The following CHD1L variants were observed in gnomAD, a reference collection of about 807,000 sequenced individuals.
CHD1L encodes chromodomain helicase DNA binding protein 1 like, also known as ATP-dependent chromatin remodeler CHD1L.
In CHD1L, 118 loss-of-function variants were observed where a neutral mutation model predicts 115.9. The ratio of observed to expected loss-of-function variants is 1.02; its 90% confidence interval spans 0.88 to 1.19. The LOEUF (loss-of-function observed/expected upper bound fraction) is 1.19, where lower values mean the gene tolerates loss of function less well. Ranked by LOEUF, CHD1L falls within the 50% of genes most tolerant of loss-of-function variation. The pLI, the probability that CHD1L is intolerant of heterozygous loss-of-function variation, is 0.00. For missense variants in CHD1L, 1,179 were observed against 1,065.3 expected (o/e 1.11, Z -1.49); for synonymous variants, 411 against 387.1 (o/e 1.06, Z -0.72).
intron 19 of CHD1L, among the ~76,000 whole-genome samples, chr1:147,290,382 G>A (rs7517324): frequency 0.22 from 33,225 of 152,108 alleles, 4,203 homozygotes; most frequent in Middle Eastern, 0.28. Flanking sequence ...ACTGCACCCA[G>A]CCTGAGGTTT....
chr1:147,271,338 C>T (rs1159434635), intron 11 of CHD1L, among the ~76,000 whole-genome samples: 3 of 152,168 alleles, frequency 2.0e-5, no homozygotes, highest in African/African-American at 7.2e-5. Context: ...TTGTAACATT[C>T]ACCTCAACAG....
At chr1:147,208,794 A>G in the CHD1L span, 9 of 1,423,746 alleles carry the variant, frequency 6.3e-6, no homozygotes, top group Admixed American at 1.2e-4. Flanking sequence ...GCCAGTGTGA[A>G]GAGTCCTTAT....
chr1:147,215,966 T>C, the CHD1L span: 20 of 1,555,084 alleles, frequency 1.3e-5, no homozygotes, highest in Non-Finnish European at 1.4e-5. Context: ...AAAGTATTCA[T>C]AGCAACTTGA....
chr1:147,174,173 GA>G, the CHD1L span, among the ~76,000 whole-genome samples: 3,695 of 147,822 alleles, frequency 0.025, 68 homozygotes, highest in South Asian at 0.097. Context: ...TTTACAGGAA[GA>G]AAAAAAAAAG....
rs587674066 is a variant in CHD1L at position 147,264,450 on chromosome 1, C to T, written c.605C>T (p.Thr202Ile). 80 of 1,612,518 alleles carry T rather than the reference C, an allele frequency of 5.0e-5. No homozygotes were observed. The highest frequency in any genetic ancestry group is 6.3e-5 in the Non-Finnish European group (74 of 1,179,278). ...EFSVVFSLLL[T>I]GTPIQNSLQE... ...TCAGTAGTCTTCAGTCTCCTGTTGACCGGAACTCCCATCCAGAACAGCCTC... is the reference window on the plus strand; with the variant it reads ...TCAGTAGTCTTCAGTCTCCTGTTGATCGGAACTCCCATCCAGAACAGCCTC... The change falls in exon 7 of 23, where the codon ACC (threonine) becomes ATC (isoleucine). Residue 202 changes from threonine to isoleucine, a missense_variant. Thr to Ile is a moderately conservative substitution (Grantham distance 89). Transcript: ENST00000369258.
chr1:147,288,193 T>C (rs1019016813), intron 19 of CHD1L, among the ~76,000 whole-genome samples: 1 of 151,472 alleles, frequency 6.6e-6, no homozygotes, highest in Non-Finnish European at 1.5e-5. Context: ...GATGTGGTGG[T>C]GCATGCCCGT....
At position 147,281,133 on chromosome 1, in the gene CHD1L, G is replaced by A. The variant is rs587600092; in HGVS notation, c.1705+942G>A. 4.6e-5 allele frequency among the ~76,000 whole-genome samples: 7 copies of A among 152,230 alleles called. No individual in the cohort carries two copies. The South Asian group carries it at 1.2e-3, about 27-fold the overall frequency. ...CCACTTCTAAGTTGTCTCTCTCCCT[G>A]CCAGAAGCAATGCCTTCCCTAATTC... On this transcript the variant is annotated intron_variant, in intron 15 of 22. Transcript: ENST00000369258.
At chr1:147,277,777 A>G (rs1679094054) in intron 14 of CHD1L, among the ~76,000 whole-genome samples, 1 of 152,200 alleles carries the variant, frequency 6.6e-6, no homozygotes, top group Non-Finnish European at 1.5e-5. Flanking sequence ...AAAATTATCC[A>G]TAGAACCTTA....
chr1:147,200,283 T>G, the CHD1L span, among the ~76,000 whole-genome samples: 1 of 152,354 alleles, frequency 6.6e-6, no homozygotes, highest in Admixed American at 6.5e-5. Context: ...TCCATGTGCC[T>G]TCCCTTCAGA....
At chr1:147,268,549 C>T (rs587593849) in intron 9 of CHD1L, among the ~76,000 whole-genome samples, 1 of 152,264 alleles carries the variant, frequency 6.6e-6, no homozygotes, top group East Asian at 1.9e-4. Flanking sequence ...TCTCCTTGAC[C>T]TTTAGCATCT....
In CHD1L at chr1:147,264,603, A is replaced by C. The variant is rs782719050; in HGVS notation, c.739+19A>C. ...GAGTCAGGCAAGTTCCTTTCCTGCA[A>C]ATCATCCCCAAGAAGCCTTGGCACA... is the stretch of plus-strand genomic sequence containing the variant. On this transcript the variant is annotated intron_variant, in intron 7 of 22. Coordinates refer to ENST00000369258, the MANE Select transcript of CHD1L (RefSeq NM_004284.6). 3.7e-6 allele frequency: 6 copies of C among 1,610,578 alleles called. No individual in the cohort carries two copies. The highest frequency in any genetic ancestry group is 1.7e-5 in the Admixed American group (1 of 59,380).
chr1:147,244,218 G>C (rs1665865505), intron 1 of CHD1L, among the ~76,000 whole-genome samples: 1 of 152,202 alleles, frequency 6.6e-6, no homozygotes, highest in African/African-American at 2.4e-5. Flanking sequence ...TATGCCAGGA[G>C]AAACGTACAT....
intron 10 of CHD1L, among the ~76,000 whole-genome samples, chr1:147,269,823 T>C (rs1675456523): frequency 6.6e-6 from 1 of 152,198 alleles, no homozygotes; most frequent in South Asian, 2.1e-4. Context: ...CCCTTTGGAA[T>C]GACTGTCTTA....
the CHD1L span, among the ~76,000 whole-genome samples, chr1:147,201,811 G>A: frequency 2.6e-5 from 4 of 152,142 alleles, no homozygotes; most frequent in Non-Finnish European, 5.9e-5. Context: ...AAGGCCACAG[G>A]TCAATAGTTT....
chr1:147,273,088 AACT>A (rs1382523836), intron 12 of CHD1L, among the ~76,000 whole-genome samples: 1 of 152,120 alleles, frequency 6.6e-6, no homozygotes, highest in African/African-American at 2.4e-5. Flanking sequence ...CTGTAATCCC[AACT>A]ACTACGGAGG....
chr1:147,287,725 A>G lies in CHD1L; in HGVS notation c.2312A>G (p.Lys771Arg), dbSNP rs143800773. 1.4e-5 allele frequency: 23 copies of G among 1,613,830 alleles called. No individual in the cohort carries two copies. Among genetic ancestry groups the G allele is most frequent in the Non-Finnish European group, 1.8e-5 (21 of 1,179,966 alleles). Residue 771 changes from lysine (K) to arginine (R), a missense_variant, in exon 19 of 23, where the codon AAA (lysine) becomes AGA (arginine). Lys to Arg is a conservative substitution (Grantham distance 26). Transcript: ENST00000369258. ...AGAAAAATATATGAGCTGGCTGGGA[A>G]AATGAAAGGTAAGAAGCAAAGCAGA... ...EPRKIYELAG[K>R]MKDLSLGGVL...
the CHD1L span, among the ~76,000 whole-genome samples, chr1:147,200,839 G>A: frequency 6.6e-6 from 1 of 152,072 alleles, no homozygotes; most frequent in Non-Finnish European, 1.5e-5. Flanking sequence ...CTAATTTGGA[G>A]TACACATTGG....
the CHD1L span, chr1:147,178,448 C>G: frequency 5.3e-4 from 850 of 1,611,322 alleles, 4 homozygotes; most frequent in African/African-American, 9.8e-3. Flanking sequence ...GGTGAAGAAG[C>G]AGGTGCTTAT....
chr1:147,242,714 C>G lies in CHD1L; in HGVS notation c.11C>G (p.Ala4Gly). The G allele has an allele frequency of 7.9e-7, 1 of 1,258,152 alleles. No individual in the cohort carries two copies. Among genetic ancestry groups the G allele is most frequent in the Non-Finnish European group, 1.0e-6 (1 of 997,702 alleles). The allele number at this position is 1,258,152 out of a possible 1,614,324, so 77.9% of individuals were successfully genotyped here. Reference sequence around the variant, plus strand: ...GCCTCTACCGGCCCGATGGAGCGCGCGGGCGCTACTAGCCGCGGGGGCCAA... The same window carrying G: ...GCCTCTACCGGCCCGATGGAGCGCGGGGGCGCTACTAGCCGCGGGGGCCAA... MER[A>G]GATSRGGQAP... Residue 4 changes from alanine (A) to glycine (G), a missense_variant, in exon 1 of 23, where the codon GCG becomes GGG. Ala to Gly is a moderately conservative substitution (Grantham distance 60). Coordinates refer to ENST00000369258, the MANE Select transcript of CHD1L (RefSeq NM_004284.6).
Sources: allele counts gnomAD v4.1 joint callset (sites outside exome capture counted in the v4.1 genomes callset), GRCh38; gene constraint gnomAD v4.1.1; transcripts MANE v1.5; gene names NCBI Gene and HGNC (gene_info 2026-07-23, HGNC 2026-07-21).